The following RBFOX1 variants were observed in gnomAD, a reference collection of about 807,000 sequenced individuals.
RBFOX1 encodes RNA binding fox-1 homolog 1, also known as RNA binding protein fox-1 homolog 1.
RBFOX1 carries 8 observed loss-of-function variants against 57.7 expected under a neutral mutation model. That is an observed-to-expected ratio of 0.14 (90% confidence interval 0.08 to 0.25). The LOEUF (loss-of-function observed/expected upper bound fraction) is 0.25, where lower values mean the gene tolerates loss of function less well. RBFOX1 is among the 10% of genes least tolerant of loss of function. RBFOX1 has a pLI of 1.00. For synonymous variants in RBFOX1, 326 were observed against 222.4 expected, an observed-to-expected ratio of 1.47 and a Z score of -4.15; for missense variants, 611 against 548.5, an observed-to-expected ratio of 1.11 and a Z score of -1.14.
intron 3 of RBFOX1, among the ~76,000 whole-genome samples, chr16:6,750,944 A>T (rs2074822158): frequency 6.6e-6 from 1 of 152,164 alleles, no homozygotes; most frequent in Non-Finnish European, 1.5e-5. Context: ...AGAAGAACCC[A>T]TTTAAGCAGA....
intron 4 of RBFOX1, among the ~76,000 whole-genome samples, chr16:7,070,387 C>T (rs370776648): frequency 5.9e-5 from 9 of 152,164 alleles, no homozygotes; most frequent in Non-Finnish European, 8.8e-5. Context: ...GATGCACCCA[C>T]GCATACACAG....
chr16:5,641,810 A>G (rs1024707987), intron 3 of RBFOX1, among the ~76,000 whole-genome samples: 3 of 152,198 alleles, frequency 2.0e-5, no homozygotes, highest in African/African-American at 7.2e-5. Context: ...TGCTCTTCCT[A>G]TGGCATTTTC....
rs2080194580 is a variant in RBFOX1, at chr16:7,531,942, GAAAGA to G, written c.270+13554_270+13558del. Among the ~76,000 whole-genome samples the G allele has an allele frequency of 2.6e-5, 4 of 152,142 alleles. 1 individual carries two copies. The highest frequency in any genetic ancestry group is 9.6e-5 in the African/African-American group (4 of 41,516). On this transcript the variant is annotated intron_variant, in intron 5 of 15. Transcript: ENST00000550418. ...GTGGCATCCAGTGGCCCCATAGAGTGAAAGAGGCCTTCATACCATTTGGCAAGCTC... is the reference window on the plus strand; with the variant it reads ...GTGGCATCCAGTGGCCCCATAGAGTGGGCCTTCATACCATTTGGCAAGCTC...
intron 2 of RBFOX1, among the ~76,000 whole-genome samples, chr16:6,495,250 C>G (rs1342515297): frequency 6.6e-6 from 1 of 152,154 alleles, no homozygotes; most frequent in Admixed American, 6.5e-5. Context: ...TCCTGAATTG[C>G]TGGGATTATA....
In RBFOX1 at chr16:6,495,873, G is replaced by A. The variant is rs1173539068; in HGVS notation, c.-63-158730G>A. Among the ~76,000 whole-genome samples, 4 of 152,192 alleles carry A rather than the reference G, an allele frequency of 2.6e-5. No homozygotes were observed. In the South Asian group the frequency reaches 8.3e-4, roughly 31 times the overall value. On this transcript the variant is annotated intron_variant, in intron 2 of 15. Coordinates refer to ENST00000550418, the MANE Select transcript of RBFOX1 (RefSeq NM_018723.4). ...TTGTCCATTGTATTCACAACATAAA[G>A]GTATCTGTTTGTAACAGAATATTGT...
intron 2 of RBFOX1, among the ~76,000 whole-genome samples, chr16:6,366,796 AT>A (rs1172791066): frequency 2.0e-5 from 3 of 152,140 alleles, no homozygotes; most frequent in Non-Finnish European, 4.4e-5. Context: ...CAGAGCCAAA[AT>A]TAGGCACCAG....
chr16:5,567,017 A>G (rs1043653961), intron 2 of RBFOX1, among the ~76,000 whole-genome samples: 2 of 152,162 alleles, frequency 1.3e-5, no homozygotes, highest in Non-Finnish European at 2.9e-5. Flanking sequence ...TCTCACTTTA[A>G]CCAGAAAAAG....
At chr16:5,620,227 C>T (rs890801696) in intron 3 of RBFOX1, among the ~76,000 whole-genome samples, 11 of 152,196 alleles carry the variant, frequency 7.2e-5, no homozygotes, top group East Asian at 1.9e-4. Flanking sequence ...GCATTAGCCC[C>T]GTTTTGTGGA....
chr16:6,858,056 T>G (rs761957338), intron 3 of RBFOX1, among the ~76,000 whole-genome samples: 1 of 152,208 alleles, frequency 6.6e-6, no homozygotes, highest in Non-Finnish European at 1.5e-5. Flanking sequence ...ATCCCAAGAA[T>G]GGCCTTGCTT....
At chr16:6,816,615 C>T (rs948504152) in intron 3 of RBFOX1, among the ~76,000 whole-genome samples, 2 of 151,528 alleles carry the variant, frequency 1.3e-5, no homozygotes, top group African/African-American at 4.9e-5. Flanking sequence ...TGGCGGGCAC[C>T]TGTAGTCCCA....
At chr16:5,691,229 CA>C (rs1480766789) in intron 3 of RBFOX1, among the ~76,000 whole-genome samples, 2 of 152,148 alleles carry the variant, frequency 1.3e-5, no homozygotes, top group Non-Finnish European at 2.9e-5. Flanking sequence ...CTGTTGCCTG[CA>C]AGCAAAGAAC....
At chr16:6,898,683 T>G (rs2067592489) in intron 3 of RBFOX1, among the ~76,000 whole-genome samples, 1 of 152,144 alleles carries the variant, frequency 6.6e-6, no homozygotes, top group South Asian at 2.1e-4. Flanking sequence ...TGTGTACATG[T>G]GTATATACGT....
intron 3 of RBFOX1, among the ~76,000 whole-genome samples, chr16:5,710,231 C>G (rs2051434799): frequency 1.3e-5 from 2 of 152,074 alleles, no homozygotes; most frequent in African/African-American, 2.4e-5. Flanking sequence ...GATGTTGAAA[C>G]TGAAGCAGCT....
At chr16:7,259,767 T>C (rs1377515333) in intron 4 of RBFOX1, among the ~76,000 whole-genome samples, 2 of 152,186 alleles carry the variant, frequency 1.3e-5, no homozygotes, top group Non-Finnish European at 2.9e-5. Flanking sequence ...GCTGGTGAGT[T>C]AATTGGGAGG....
chr16:7,243,094 C>T (rs186510031), intron 4 of RBFOX1, among the ~76,000 whole-genome samples: 4 of 152,018 alleles, frequency 2.6e-5, no homozygotes, highest in Admixed American at 6.6e-5. Flanking sequence ...ATTAGCTGAA[C>T]GTTTTAGGAA....
chr16:5,940,683 C>T (rs2059261095), intron 4 of RBFOX1, among the ~76,000 whole-genome samples: 1 of 152,244 alleles, frequency 6.6e-6, no homozygotes, highest in Non-Finnish European at 1.5e-5. Context: ...ATCACCATTT[C>T]AGCAGAGCAG....
intron 1 of RBFOX1, among the ~76,000 whole-genome samples, chr16:6,108,088 C>A (rs981817949): frequency 6.6e-6 from 1 of 152,066 alleles, no homozygotes; most frequent in Non-Finnish European, 1.5e-5. Flanking sequence ...AATCAAATAT[C>A]AAATGAAGAG....
At chr16:7,055,554 C>G (rs994955582) in intron 4 of RBFOX1, among the ~76,000 whole-genome samples, 1 of 152,102 alleles carries the variant, frequency 6.6e-6, no homozygotes, top group African/African-American at 2.4e-5. Context: ...AGGAGTTTCT[C>G]CTTCACACGT....
At chr16:5,313,811 T>C (rs2064157195) in intron 1 of RBFOX1, among the ~76,000 whole-genome samples, 1 of 151,172 alleles carries the variant, frequency 6.6e-6, no homozygotes, top group Non-Finnish European at 1.5e-5. Context: ...CACGTGGGAA[T>C]GGTGGGAATT....
Sources: allele counts gnomAD v4.1 joint callset (sites outside exome capture counted in the v4.1 genomes callset), GRCh38; gene constraint gnomAD v4.1.1; transcripts MANE v1.5; gene names NCBI Gene and HGNC (gene_info 2026-07-23, HGNC 2026-07-21).